The following BRWD3 variants were observed in gnomAD, a reference collection of about 807,000 sequenced individuals.
The protein encoded by BRWD3 is bromodomain and WD repeat-containing protein 3.
BRWD3 carries 10 observed loss-of-function variants against 149.7 expected under a neutral mutation model. That is an observed-to-expected ratio of 0.07 (90% CI 0.04 to 0.11). The LOEUF is 0.11. Ranked by LOEUF, BRWD3 falls within the 10% of genes least tolerant of loss-of-function variation. The probability of loss-of-function intolerance (pLI) is 1.00; values close to 1 mark genes in which losing one functional copy is unlikely to be tolerated. For synonymous variants in BRWD3, 504 were observed against 456.7 expected (o/e 1.10, Z -1.32); for missense variants, 940 against 1,373.2 (o/e 0.68, Z 4.99).
chrX:80,741,103 C>T (rs1013291497), intron 8 of BRWD3, among the ~76,000 whole-genome samples: 1 of 109,500 alleles, frequency 9.1e-6, no homozygotes, highest in African/African-American at 3.3e-5. Context: ...TGTTCCCCTT[C>T]CTGTGTCCAG....
chrX:80,682,237 A>C, intron 38 of BRWD3, 143 bp from the exon 39 acceptor site: 1 of 610,292 alleles, frequency 1.6e-6, no homozygotes, highest in Non-Finnish European at 2.5e-6. Flanking sequence ...GAAATAGATA[A>C]TTTGACAGTG....
chrX:80,740,558 G>C (rs1602378936), intron 8 of BRWD3, among the ~76,000 whole-genome samples: 1 of 111,564 alleles, frequency 9.0e-6, no homozygotes, highest in Middle Eastern at 4.6e-3. Context: ...ACCAGCCTAG[G>C]CAACATGTCG....
intron 22 of BRWD3, among the ~76,000 whole-genome samples, chrX:80,706,131 A>G (rs2072860300): frequency 9.0e-6 from 1 of 110,624 alleles, no homozygotes; most frequent in Non-Finnish European, 1.9e-5. Flanking sequence ...TCCTTGAGAC[A>G]GAGTTTCACT....
At chrX:80,707,866 A>G (rs1029526946) in intron 21 of BRWD3, among the ~76,000 whole-genome samples, 7 of 111,868 alleles carry the variant, frequency 6.3e-5, no homozygotes, top group Non-Finnish European at 1.1e-4. Flanking sequence ...AATTTTAATT[A>G]TCTTTTTTAT....
chrX:80,708,806 C>A (rs2072910985), intron 21 of BRWD3, among the ~76,000 whole-genome samples: 1 of 104,896 alleles, frequency 9.5e-6, no homozygotes, highest in African/African-American at 3.5e-5. Flanking sequence ...CAGAGTGAGA[C>A]TCCATCTCAA....
intron 6 of BRWD3, among the ~76,000 whole-genome samples, chrX:80,747,424 G>A (rs2073608990): frequency 9.2e-6 from 1 of 109,084 alleles, no homozygotes. Flanking sequence ...ATCTCTAGAT[G>A]TTGTCTAGGG....
chrX:80,769,793 A>G (rs762749550), intron 6 of BRWD3, among the ~76,000 whole-genome samples: 60 of 111,124 alleles, frequency 5.4e-4, no homozygotes, highest in African/African-American at 1.9e-3. Context: ...CAAAAAAAAA[A>G]AATCAATGAA....
chrX:80,703,902 A>G lies in BRWD3; in HGVS notation c.2722-309T>C, dbSNP rs1172971168. 4.5e-5 allele frequency among the ~76,000 whole-genome samples: 5 copies of G among 112,252 alleles called. No homozygotes were observed. In the East Asian group the frequency reaches 1.4e-3, roughly 31 times the overall value. Reference sequence around the variant, plus strand: ...CAAATGCAAGAATAAGTTTTTGCCAATAAAATAGTGATAATCAAGAAAATA... The same window carrying G: ...CAAATGCAAGAATAAGTTTTTGCCAGTAAAATAGTGATAATCAAGAAAATA... On this transcript the variant is annotated intron_variant, in intron 23 of 40. Coordinates refer to ENST00000373275, the MANE Select transcript of BRWD3 (RefSeq NM_153252.5).
chrX:80,773,826 A>G (rs1329237877), intron 6 of BRWD3, among the ~76,000 whole-genome samples: 2 of 112,020 alleles, frequency 1.8e-5, no homozygotes, highest in Non-Finnish European at 3.8e-5. Context: ...CCTTCTTGCA[A>G]TGCCCATTAC....
chrX:80,703,544 G>C lies in BRWD3; in HGVS notation c.2771C>G (p.Ala924Gly). 3 of 1,207,562 alleles carry C rather than the reference G, an allele frequency of 2.5e-6. No individual in the cohort carries two copies. Among genetic ancestry groups the C allele is most frequent in the Non-Finnish European group, 3.4e-6 (3 of 893,583 alleles). ...TATAGTATCCAAGATCCACTGAGGG[G>C]CAAACCATTCTTCATTAGGCTCACC... is the stretch of plus-strand genomic sequence containing the variant. ...IAGEPNEEWF[A>G]PQWILDTIPR... The change falls in exon 24 of 41, where the codon GCC (alanine) becomes GGC (glycine). Residue 924 changes from alanine (A) to glycine (G), a missense_variant. Ala to Gly is a moderately conservative substitution (Grantham distance 60). Coordinates refer to ENST00000373275, the MANE Select transcript of BRWD3 (RefSeq NM_153252.5).
In BRWD3 at chrX:80,806,137, C is replaced by G. The variant is rs963341504; in HGVS notation, c.180+2402G>C. 4.5e-5 allele frequency among the ~76,000 whole-genome samples: 5 copies of G among 111,360 alleles called. No individual in the cohort carries two copies. The Admixed American group carries it at 4.8e-4, about 11-fold the overall frequency. ...ATTATCACTCAACCCTGCCCATCTT[C>G]TCTTACAAAGAAGTCCATAGGTAGA... is the stretch of plus-strand genomic sequence containing the variant. On this transcript the variant is annotated intron_variant, in intron 4 of 40. Coordinates refer to ENST00000373275, the MANE Select transcript of BRWD3 (RefSeq NM_153252.5).
At chrX:80,682,338 AG>A in intron 38 of BRWD3, 126 bp downstream of exon 38, 1 of 783,545 alleles carries the variant, frequency 1.3e-6, no homozygotes. Context: ...CATAGGCATA[AG>A]AGTTTAGGAA....
intron 6 of BRWD3, among the ~76,000 whole-genome samples, chrX:80,785,892 T>A (rs903434670): frequency 2.7e-5 from 3 of 111,614 alleles, no homozygotes; most frequent in African/African-American, 9.8e-5. Flanking sequence ...TAGCCAGGCA[T>A]GGTGGCAGGA....
chrX:80,716,250 C>T lies in BRWD3; in HGVS notation c.2232G>A (p.Arg744=). 1 of 1,186,494 alleles carries T rather than the reference C, an allele frequency of 8.4e-7. No homozygotes were observed. The highest frequency in any genetic ancestry group is 1.1e-6 in the Non-Finnish European group (1 of 873,215). The change falls in exon 20 of 41, where the codon AGG becomes AGA. Residue 744 remains arginine (R), a splice_region_variant and synonymous_variant. Coordinates refer to ENST00000373275, the MANE Select transcript of BRWD3 (RefSeq NM_153252.5). ...VVNELNNGVS[R]VQEECRTAKG... ...TTGCAGTTCGACATTCTTCCTGTACCCTAATAACAAGTCAAAGGTCAAAGT... is the reference window on the plus strand; with the variant it reads ...TTGCAGTTCGACATTCTTCCTGTACTCTAATAACAAGTCAAAGGTCAAAGT...
In BRWD3 at chrX:80,676,713, C is replaced by G; in HGVS notation, c.5305G>C (p.Val1769Leu). 1 of 1,211,225 alleles carries G rather than the reference C, an allele frequency of 8.3e-7. No individual in the cohort carries two copies. Among genetic ancestry groups the G allele is most frequent in the Non-Finnish European group, 1.1e-6 (1 of 895,293 alleles). Residue 1769 changes from valine (V) to leucine (L), a missense_variant, in exon 41 of 41, where the codon GTG (valine) becomes CTG (leucine). Transcript: ENST00000373275. ...AGATTCAGAGGATCCTCAGTGGACACAAAATTGTCATTATCAGAATCATCA... is the reference window on the plus strand; with the variant it reads ...AGATTCAGAGGATCCTCAGTGGACAGAAAATTGTCATTATCAGAATCATCA... ...YNDDSDNDNFVSTEDPLNLGT... is the reference protein window; with the variant it reads ...YNDDSDNDNFLSTEDPLNLGT...
At chrX:80,808,976 C>T (rs1281293053) in intron 3 of BRWD3, 37 bp downstream of exon 3, 4 of 1,190,462 alleles carry the variant, frequency 3.4e-6, no homozygotes, top group East Asian at 3.0e-5. Flanking sequence ...CCAGTCTCAC[C>T]TCAACCCTCC....
chrX:80,737,340 T>C (rs1344238318), intron 8 of BRWD3, among the ~76,000 whole-genome samples: 1 of 111,812 alleles, frequency 8.9e-6, no homozygotes, highest in Non-Finnish European at 1.9e-5. Flanking sequence ...CCTAATACAA[T>C]GTAAATGCTG....
rs755396087 is a variant in BRWD3, at chrX:80,729,947, T to A, written c.1201A>T (p.Ile401Leu). ...WQYQQQEWKS[I>L]VLDMATKMTG... Reference sequence around the variant, plus strand: ...ATTTTAGTAGCCATGTCTAGCACTATACTCTTCCATTCTTGTTGCTGATAC... The same window carrying A: ...ATTTTAGTAGCCATGTCTAGCACTAAACTCTTCCATTCTTGTTGCTGATAC... The change falls in exon 13 of 41, where the codon ATA (isoleucine) becomes TTA (leucine). Residue 401 changes from isoleucine to leucine, a missense_variant. Ile to Leu is a conservative substitution (Grantham distance 5, BLOSUM62 2). Around this residue, in one of 6 missense-constraint regions of BRWD3, gnomAD observed 209 missense variants for 396.8 expected, o/e 0.53. Coordinates refer to ENST00000373275, the MANE Select transcript of BRWD3 (RefSeq NM_153252.5). The A allele has an allele frequency of 3.3e-6, 4 of 1,205,193 alleles. No homozygotes were observed. The South Asian group carries it at 5.3e-5, about 16-fold the overall frequency.
chrX:80,740,924 T>C (rs1014107842), intron 8 of BRWD3, among the ~76,000 whole-genome samples: 72 of 111,830 alleles, frequency 6.4e-4, no homozygotes, highest in African/African-American at 2.2e-3. Context: ...TTTTTTTAAA[T>C]TATACTTTAA....
Sources: allele counts gnomAD v4.1 joint callset (sites outside exome capture counted in the v4.1 genomes callset), GRCh38; gene constraint gnomAD v4.1.1; regional missense constraint gnomAD v4.1.1; transcripts MANE v1.5; gene names NCBI Gene and HGNC (gene_info 2026-07-23, HGNC 2026-07-21).